TEX11: variants seen among roughly 807,000 people sequenced by gnomAD.
TEX11 encodes the protein testis-expressed protein 11.
A neutral mutation model predicts 84.4 loss-of-function variants in TEX11; 7 were observed. The ratio of observed to expected loss-of-function variants is 0.08; its 90% CI spans 0.05 to 0.16. The LOEUF is 0.16. Among genes scored for constraint, TEX11 ranks in the 10% least tolerant of loss-of-function variants. The pLI is 1.00. For missense variants in TEX11, 551 were observed against 660.5 expected, an observed-to-expected ratio of 0.83 and a Z score of 1.82; for synonymous variants, 264 against 222.8, an observed-to-expected ratio of 1.18 and a Z score of -1.64.
intron 25 of TEX11, among the ~76,000 whole-genome samples, chrX:70,572,667 A>C (rs1236284093): frequency 2.7e-5 from 3 of 110,406 alleles, no homozygotes; most frequent in Non-Finnish European, 5.7e-5. Flanking sequence ...AATACTATGC[A>C]GCCATAAAAA....
intron 8 of TEX11, among the ~76,000 whole-genome samples, chrX:70,823,526 C>A (rs2091329511): frequency 9.0e-6 from 1 of 110,977 alleles, no homozygotes; most frequent in African/African-American, 3.3e-5. Flanking sequence ...ACCTTAAATA[C>A]ATAATAATTT....
At chrX:70,890,138 T>G (rs779786399) in intron 2 of TEX11, among the ~76,000 whole-genome samples, 1 of 111,594 alleles carries the variant, frequency 9.0e-6, no homozygotes, top group South Asian at 3.8e-4. Context: ...CCGATACTTA[T>G]GTCAGAAAAA....
At chrX:70,674,303 A>T (rs1383129032) in intron 15 of TEX11, among the ~76,000 whole-genome samples, 3 of 111,724 alleles carry the variant, frequency 2.7e-5, no homozygotes, top group Non-Finnish European at 3.8e-5. Context: ...TCTGTCATTG[A>T]TGGGCATTTA....
intron 7 of TEX11, among the ~76,000 whole-genome samples, chrX:70,845,264 C>T (rs903586158): frequency 4.5e-5 from 5 of 110,727 alleles, no homozygotes; most frequent in East Asian, 2.9e-4. Flanking sequence ...CGAATTCAAG[C>T]GATTCTCCTG....
intron 15 of TEX11, among the ~76,000 whole-genome samples, chrX:70,677,565 C>T (rs997787878): frequency 4.5e-5 from 5 of 111,559 alleles, no homozygotes; most frequent in African/African-American, 6.5e-5. Context: ...TTTTGAATAG[C>T]TTCTTTGCTC....
rs758781101 is a variant in TEX11, at chrX:70,739,700, G to A, written c.843+1001C>T. The stretch of plus-strand genomic sequence containing the variant: ...GCTGGGATTACAGGCATGAGCCACC[G>A]CACCCAGCCTGAATCTATTTTTAAA... On this transcript the variant is annotated intron_variant, in intron 11 of 29. Transcript: ENST00000374333. Among the ~76,000 whole-genome samples, 6 of 111,833 alleles carry A rather than the reference G, an allele frequency of 5.4e-5. No individual in the cohort carries two copies. In the South Asian group the frequency reaches 1.5e-3, roughly 28 times the overall value.
At chrX:70,652,282 G>T (rs1402808709) in intron 16 of TEX11, among the ~76,000 whole-genome samples, 2 of 111,270 alleles carry the variant, frequency 1.8e-5, no homozygotes, top group Non-Finnish European at 3.8e-5. Flanking sequence ...TTCTCTGGGG[G>T]AAAGCACCTT....
At chrX:70,754,034 G>A (rs1198814262) in intron 9 of TEX11, among the ~76,000 whole-genome samples, 1 of 110,632 alleles carries the variant, frequency 9.0e-6, no homozygotes, top group Non-Finnish European at 1.9e-5. Flanking sequence ...GTGGCTTCAG[G>A]GAGAGGCCCT....
intron 10 of TEX11, among the ~76,000 whole-genome samples, chrX:70,742,355 A>G (rs1677461655): frequency 1.9e-5 from 2 of 107,731 alleles, no homozygotes; most frequent in Non-Finnish European, 3.8e-5. Context: ...ATAAATATAA[A>G]TATTATATAT....
intron 16 of TEX11, 31 bp downstream of exon 16, chrX:70,670,346 G>A: frequency 8.4e-7 from 1 of 1,196,396 alleles, no homozygotes; most frequent in Non-Finnish European, 1.1e-6. Flanking sequence ...AAGAACATTT[G>A]CTACCTCTGA....
chrX:70,739,990 G>T (rs2090722977), intron 11 of TEX11, among the ~76,000 whole-genome samples: 1 of 111,693 alleles, frequency 9.0e-6, no homozygotes, highest in African/African-American at 3.3e-5. Flanking sequence ...GTGAACATGA[G>T]CTGAAAGTCA....
intron 9 of TEX11, among the ~76,000 whole-genome samples, chrX:70,748,180 G>A (rs1347081715): frequency 9.0e-6 from 1 of 111,029 alleles, no homozygotes; most frequent in Admixed American, 9.7e-5. Context: ...AAGAAATGAT[G>A]GTCTTAAAAC....
At chrX:70,520,064 C>A in the TEX11 span, among the ~76,000 whole-genome samples, 4 of 111,710 alleles carry the variant, frequency 3.6e-5, no homozygotes, top group African/African-American at 1.3e-4. Flanking sequence ...GTTCGAACAT[C>A]CTCCTTTAGC....
At chrX:70,820,528 C>A (rs1186339671) in intron 8 of TEX11, among the ~76,000 whole-genome samples, 1 of 111,893 alleles carries the variant, frequency 8.9e-6, no homozygotes, top group East Asian at 2.8e-4. Context: ...GCAGGCTGTA[C>A]AAGAATGGCA....
chrX:70,812,607 C>T (rs941400621), intron 8 of TEX11, among the ~76,000 whole-genome samples: 6 of 110,201 alleles, frequency 5.4e-5, no homozygotes, highest in Admixed American at 3.9e-4. Flanking sequence ...AATAGGGAAC[C>T]GAAGGAGATA....
intron 28 of TEX11, among the ~76,000 whole-genome samples, chrX:70,544,547 C>T (rs1220690244): frequency 9.0e-6 from 1 of 110,529 alleles, no homozygotes; most frequent in East Asian, 2.8e-4. Context: ...TATAAATTGA[C>T]CTTGTCTTAC....
intron 9 of TEX11, among the ~76,000 whole-genome samples, chrX:70,805,554 C>T (rs1451313825): frequency 9.0e-6 from 1 of 111,024 alleles, no homozygotes; most frequent in Non-Finnish European, 1.9e-5. Context: ...GCCTGTGCCA[C>T]CACACCCGCC....
At chrX:70,516,200 C>T in the TEX11 span, among the ~76,000 whole-genome samples, 6 of 111,918 alleles carry the variant, frequency 5.4e-5, no homozygotes, top group Non-Finnish European at 1.9e-5. Context: ...TTTGCCCATG[C>T]CTATGTCCTG....
chrX:70,555,680 C>T (rs2088277279), intron 25 of TEX11, among the ~76,000 whole-genome samples: 1 of 112,121 alleles, frequency 8.9e-6, no homozygotes, highest in Admixed American at 9.5e-5. Flanking sequence ...GGATAATAGT[C>T]TCATAAGATG....
Sources: gnomAD v4.1 joint callset for allele counts (sites outside exome capture counted in the v4.1 genomes callset) on GRCh38, gnomAD v4.1.1 for gene constraint, MANE v1.5 for transcripts, NCBI Gene and HGNC (gene_info 2026-07-23, HGNC 2026-07-21) for gene names.